Variants in TNS1 observed in about 807,000 individuals in gnomAD.
The protein encoded by TNS1 is tensin 1, also known as tensin-1.
TNS1 carries 62 observed loss-of-function variants against 168.6 expected under a neutral mutation model. The observed-to-expected ratio is 0.37, with a 90% CI of 0.30 to 0.45. TNS1 has a LOEUF of 0.45. Among genes scored for constraint, TNS1 ranks in the 20% least tolerant of loss-of-function variants. The probability of loss-of-function intolerance (pLI) is 1.00; values close to 1 mark genes in which losing one functional copy is unlikely to be tolerated. For synonymous variants in TNS1, 934 were observed against 933.2 expected, an observed-to-expected ratio of 1.00 and a Z score of -0.02; for missense variants, 2,240 against 2,339.4, an observed-to-expected ratio of 0.96 and a Z score of 0.88.
intron 18 of TNS1, among the ~76,000 whole-genome samples, chr2:217,866,757 C>T (rs978587519): frequency 2.0e-5 from 3 of 152,186 alleles, no homozygotes; most frequent in Non-Finnish European, 4.4e-5. Context: ...GCCAGTTCAG[C>T]CACTGTGGCT....
intron 1 of TNS1, among the ~76,000 whole-genome samples, chr2:218,009,738 CG>C (rs953178072): frequency 1.3e-5 from 2 of 152,194 alleles, no homozygotes; most frequent in African/African-American, 4.8e-5. Flanking sequence ...TCCCTTCCCA[CG>C]GAAATTTGAG....
intron 1 of TNS1, among the ~76,000 whole-genome samples, chr2:218,028,949 T>C (rs1958870820): frequency 6.6e-6 from 1 of 152,230 alleles, no homozygotes; most frequent in African/African-American, 2.4e-5. Context: ...TGCCTGCCCT[T>C]GGCACCAGGC....
intron 18 of TNS1, among the ~76,000 whole-genome samples, chr2:217,877,545 G>C (rs548398166): frequency 2.6e-4 from 39 of 152,306 alleles, no homozygotes; most frequent in African/African-American, 7.5e-4. Context: ...CTCCCTCTCG[G>C]GTTTTATGAC....
At chr2:217,968,287 C>G (rs543769758) in intron 3 of TNS1, among the ~76,000 whole-genome samples, 3 of 152,170 alleles carry the variant, frequency 2.0e-5, no homozygotes, top group East Asian at 1.9e-4. Flanking sequence ...TTGAAGTTTC[C>G]AGTCAGGACA....
At chr2:217,870,007 G>T (rs1218817172) in intron 18 of TNS1, among the ~76,000 whole-genome samples, 1 of 152,182 alleles carries the variant, frequency 6.6e-6, no homozygotes, top group African/African-American at 2.4e-5. Flanking sequence ...GAGCAATTGT[G>T]TGAGGAAGCC....
intron 18 of TNS1, among the ~76,000 whole-genome samples, chr2:217,851,467 A>G (rs3791973): frequency 0.13 from 20,098 of 151,540 alleles, 1,613 homozygotes; most frequent in East Asian, 0.31. Context: ...ACACACACAC[A>G]CACACACCCC....
At chr2:217,856,237 G>C (rs1287601342) in intron 18 of TNS1, among the ~76,000 whole-genome samples, 1 of 152,168 alleles carries the variant, frequency 6.6e-6, no homozygotes, top group African/African-American at 2.4e-5. Flanking sequence ...AGTGGCTCAG[G>C]GTGCTCCACT....
At chr2:218,014,619 C>G (rs1015562660), upstream of TNS1, among the ~76,000 whole-genome samples, 1 of 152,192 alleles carries the variant, frequency 6.6e-6, no homozygotes, top group Non-Finnish European at 1.5e-5. Context: ...CATTAAAGTC[C>G]TTCGATTGCT....
At chr2:217,930,373 T>C (rs1478691473) in intron 3 of TNS1, among the ~76,000 whole-genome samples, 1 of 152,168 alleles carries the variant, frequency 6.6e-6, no homozygotes, top group East Asian at 1.9e-4. Context: ...ACATGGCCTT[T>C]GAGATGGGTA....
At chr2:217,827,550 C>T (rs1025214330) in intron 22 of TNS1, among the ~76,000 whole-genome samples, 9 of 152,180 alleles carry the variant, frequency 5.9e-5, no homozygotes, top group Non-Finnish European at 1.0e-4. Context: ...CCAACTCCCA[C>T]GCTGGAATCC....
intron 32 of TNS1, among the ~76,000 whole-genome samples, chr2:217,805,634 C>CACACA: frequency 2.0e-5 from 1 of 49,776 alleles, no homozygotes; most frequent in Admixed American, 2.4e-4. Flanking sequence ...CACCATCACA[C>CACACA]CCACACACAT....
intron 1 of TNS1, among the ~76,000 whole-genome samples, chr2:218,000,882 T>C (rs1409374379): frequency 1.3e-5 from 2 of 152,324 alleles, no homozygotes; most frequent in Non-Finnish European, 2.9e-5. Flanking sequence ...CCAGGCGCAG[T>C]GGCTCACACC....
intron 30 of TNS1, among the ~76,000 whole-genome samples, chr2:217,809,501 A>ATGGATGGACGGATGGATGGG: frequency 4.4e-5 from 1 of 22,766 alleles, no homozygotes; most frequent in Non-Finnish European, 8.4e-5. Context: ...GCATGGATGG[A>ATGGATGGACGGATGGATGGG]TGCATGGATG....
intron 18 of TNS1, chr2:217,858,393 C>T (rs1436266485): frequency 4.2e-6 from 2 of 470,820 alleles, no homozygotes; most frequent in Non-Finnish European, 2.8e-6. Flanking sequence ...TGCCCCTCCA[C>T]ACCCTCCCAG....
intron 18 of TNS1, among the ~76,000 whole-genome samples, chr2:217,868,543 G>T (rs1461428492): frequency 6.6e-6 from 1 of 152,264 alleles, no homozygotes; most frequent in Non-Finnish European, 1.5e-5. Flanking sequence ...CCAAGGTCAG[G>T]TAGTGGTATT....
chr2:217,973,367 GAA>G (rs58463140), intron 3 of TNS1, among the ~76,000 whole-genome samples: 3,307 of 93,470 alleles, frequency 0.035, 136 homozygotes, highest in African/African-American at 0.13. Context: ...TCCTGTCTCT[GAA>G]AAAAAAAAAA....
At position 217,899,738 on chromosome 2, in the gene TNS1, G is replaced by C. The variant is rs111905134; in HGVS notation, c.371+725C>G. Among the ~76,000 whole-genome samples the C allele has an allele frequency of 2.3e-3, 357 of 152,334 alleles. 1 individual carries two copies. Among genetic ancestry groups the C allele is most frequent in the African/African-American group, 7.9e-3 (327 of 41,588 alleles). On this transcript the variant is annotated intron_variant, in intron 7 of 32. Coordinates refer to ENST00000682258, the MANE Select transcript of TNS1 (RefSeq NM_001387777.1). ...GCAGAACAGTGCCACCAGCCGGACA[G>C]CCTCAGCATCACACTCTGCATCCAC... is the stretch of plus-strand genomic sequence containing the variant.
chr2:218,033,245 C>T lies in TNS1; in HGVS notation c.156+575G>A, dbSNP rs906041846. Among the ~76,000 whole-genome samples, 2 of 151,942 alleles carry T rather than the reference C, an allele frequency of 1.3e-5. No individual in the cohort carries two copies. The highest frequency in any genetic ancestry group is 4.2e-4 in the South Asian group (2 of 4,802). On this transcript the variant is annotated intron_variant, in intron 1 of 1. Coordinates refer to the TNS1 transcript ENST00000649572. This position sits in a 1 kb window ranked among gnomAD's most constrained non-coding sequence, Gnocchi z 4.3. ...GGCCTGATGGTTCCCTGGCAGACTC[C>T]TCCAGAGCAGACACCTGCCTCCCAG...
intron 2 of TNS1, among the ~76,000 whole-genome samples, chr2:217,989,779 A>T (rs1335445171): frequency 2.0e-5 from 3 of 152,016 alleles, no homozygotes; most frequent in Admixed American, 6.5e-5. Flanking sequence ...TCCCAGTGCC[A>T]AGCACATGCC....
Sources: gnomAD v4.1 joint callset for allele counts (sites outside exome capture counted in the v4.1 genomes callset) on GRCh38, gnomAD v4.1.1 for gene constraint, Gnocchi (gnomAD v3.1) non-coding constraint, MANE v1.5 for transcripts, NCBI Gene and HGNC (gene_info 2026-07-23, HGNC 2026-07-21) for gene names.